Variants in PARP11 observed in about 807,000 individuals in gnomAD.
The protein encoded by PARP11 is poly(ADP-ribose) polymerase family member 11.
In PARP11, 31 loss-of-function variants were observed where a neutral mutation model predicts 42.9. That is an observed-to-expected ratio of 0.72 (90% confidence interval 0.54 to 0.98). The LOEUF (loss-of-function observed/expected upper bound fraction) is 0.98, where lower values mean the gene tolerates loss of function less well. Ranked by LOEUF, PARP11 falls within the 50% of genes least tolerant of loss-of-function variation. PARP11 has a pLI of 0.00. For synonymous variants in PARP11, 137 were observed against 127.3 expected, an observed-to-expected ratio of 1.08 and a Z score of -0.51; for missense variants, 365 against 413.1, an observed-to-expected ratio of 0.88 and a Z score of 1.01.
chr12:3,816,931 C>G (rs1947299926), intron 6 of PARP11, among the ~76,000 whole-genome samples: 1 of 152,156 alleles, frequency 6.6e-6, no homozygotes, highest in African/African-American at 2.4e-5. Flanking sequence ...GAGGCTCACG[C>G]CTGTAATTCC....
intron 1 of PARP11, chr12:3,839,622 T>A: frequency 9.5e-7 from 1 of 1,052,924 alleles, no homozygotes; most frequent in Non-Finnish European, 1.5e-6. Flanking sequence ...TGGAAATAAG[T>A]GCCCTTTCTC....
chr12:3,817,056 T>A lies in PARP11; in HGVS notation c.549-2868A>T, dbSNP rs374272850. Among the ~76,000 whole-genome samples, 4 of 152,178 alleles carry A rather than the reference T, an allele frequency of 2.6e-5. No homozygotes were observed. In the South Asian group the frequency reaches 8.3e-4, roughly 32 times the overall value. On this transcript the variant is annotated intron_variant, in intron 6 of 7. Transcript: ENST00000228820. ...AATACAAAAAATTAGCCAGGCGTGG[T>A]GGCGGGCGCCTGTAGTCCCAGCTAC... is the stretch of plus-strand genomic sequence containing the variant.
chr12:3,855,744 A>G (rs1207186349), intron 1 of PARP11, among the ~76,000 whole-genome samples: 3 of 152,220 alleles, frequency 2.0e-5, no homozygotes, highest in African/African-American at 7.2e-5. Flanking sequence ...CAAGCTACCA[A>G]TGACATTCTT....
chr12:3,869,771 CAT>C (rs1445817557), intron 1 of PARP11, among the ~76,000 whole-genome samples: 1 of 152,156 alleles, frequency 6.6e-6, no homozygotes, highest in Non-Finnish European at 1.5e-5. Context: ...AATGTATTTG[CAT>C]AATTATTTGT....
Position 3,809,535 on chromosome 12 carries a change from AC to A in PARP11, c.*2587del, listed in dbSNP as rs1947129411. 1 of 121,128 alleles carries A rather than the reference AC, an allele frequency of 8.3e-6. No individual in the cohort carries two copies. Among genetic ancestry groups the A allele is most frequent in the African/African-American group, 3.3e-5 (1 of 30,714 alleles). 7.5% of individuals were successfully genotyped at this position (121,128 alleles called of 1,614,324 possible). On this transcript the variant is annotated 3_prime_UTR_variant, in exon 8 of 8. Coordinates refer to ENST00000228820, the MANE Select transcript of PARP11 (RefSeq NM_020367.6). ...GATACTTAGCTCTGGGTTCCTAGTC[AC>A]CTTGAGATAAGATCTGCAAAGTCTA...
chr12:3,809,756 T>A lies in PARP11; in HGVS notation c.*2367A>T, dbSNP rs561842246. The A allele has an allele frequency of 1.3e-5, 2 of 152,338 alleles. No individual in the cohort carries two copies. Among genetic ancestry groups the A allele is most frequent in the African/African-American group, 4.8e-5 (2 of 41,578 alleles). 9.4% of individuals were successfully genotyped at this position (152,338 alleles called of 1,614,324 possible). A position where few individuals can be genotyped will look rare whatever the true frequency, so the allele number is the denominator to read the frequency against. ...ATTCCTAATGTCTCTAACATTGTTT[T>A]TTGTGAACGGGTTTAGAGCCATGGT... On this transcript the variant is annotated 3_prime_UTR_variant, in exon 8 of 8. Coordinates refer to ENST00000228820, the MANE Select transcript of PARP11 (RefSeq NM_020367.6).
In PARP11 at chr12:3,836,072, T is replaced by C. The variant is rs532796882; in HGVS notation, c.19-6054A>G. 4.6e-5 allele frequency among the ~76,000 whole-genome samples: 7 copies of C among 151,738 alleles called. No homozygotes were observed. The East Asian group carries it at 1.4e-3, about 29-fold the overall frequency. On this transcript the variant is annotated intron_variant, in intron 1 of 7. Coordinates refer to ENST00000228820, the MANE Select transcript of PARP11 (RefSeq NM_020367.6). ...ACACACACTCACACACATATATATG[T>C]GTGTGTATAGATATAAATCTACACA...
At chr12:3,869,268 G>A (rs1039362463) in intron 1 of PARP11, among the ~76,000 whole-genome samples, 3 of 152,158 alleles carry the variant, frequency 2.0e-5, no homozygotes, top group African/African-American at 7.2e-5. Flanking sequence ...TTAATATGTG[G>A]ATATCTTTAG....
Position 3,842,544 on chromosome 12 carries a change from A to G in PARP11, c.19-12526T>C. The G allele has an allele frequency of 2.8e-6, 4 of 1,454,164 alleles. No homozygotes were observed. In the South Asian group the frequency reaches 4.8e-5, roughly 18 times the overall value. 90.1% of individuals were successfully genotyped at this position (1,454,164 alleles called of 1,614,324 possible). A position where few individuals can be genotyped will look rare whatever the true frequency, so the allele number is the denominator to read the frequency against. On this transcript the variant is annotated intron_variant, in intron 1 of 7. Coordinates refer to ENST00000228820, the MANE Select transcript of PARP11 (RefSeq NM_020367.6). ...GGTTGTTGCCGAAGTATTTTCTAAC[A>G]GAAACTCTTAGGTGGAATGTTTCTG...
In PARP11 at chr12:3,814,331, A is replaced by G. The variant is rs1947242830; in HGVS notation, c.549-143T>C. The G allele has an allele frequency of 1.2e-5, 7 of 581,392 alleles. No homozygotes were observed. In the South Asian group the frequency reaches 4.3e-4, roughly 36 times the overall value. 36.0% of individuals were successfully genotyped at this position (581,392 alleles called of 1,614,324 possible). A position where few individuals can be genotyped will look rare whatever the true frequency, so the allele number is the denominator to read the frequency against. ...AATAACAAGTGGACAAAGCAAGTCTAGAAAAGAAATAATTTCAAATGTTCT... is the reference window on the plus strand; with the variant it reads ...AATAACAAGTGGACAAAGCAAGTCTGGAAAAGAAATAATTTCAAATGTTCT... On this transcript the variant is annotated intron_variant, in intron 6 of 7. Transcript: ENST00000228820.
At chr12:3,822,375 G>A (rs1160578364) in intron 4 of PARP11, among the ~76,000 whole-genome samples, 1 of 150,692 alleles carries the variant, frequency 6.6e-6, no homozygotes, top group Admixed American at 6.7e-5. Context: ...GAGGCGAGCG[G>A]ATCACGAGGT....
intron 6 of PARP11, among the ~76,000 whole-genome samples, chr12:3,818,022 C>T (rs998872320): frequency 6.6e-6 from 1 of 152,176 alleles, no homozygotes; most frequent in African/African-American, 2.4e-5. Context: ...CTGCCTTATA[C>T]TTCCCAGCTC....
intron 1 of PARP11, among the ~76,000 whole-genome samples, chr12:3,835,404 A>C (rs1049255914): frequency 3.9e-5 from 6 of 152,228 alleles, no homozygotes; most frequent in Non-Finnish European, 7.3e-5. Context: ...AACCAAACAA[A>C]CAACCACAAT....
chr12:3,847,214 A>C (rs1460739045), intron 1 of PARP11, among the ~76,000 whole-genome samples: 1 of 152,240 alleles, frequency 6.6e-6, no homozygotes, highest in African/African-American at 2.4e-5. Context: ...TCAGGACCTG[A>C]TGGCTTCACT....
At position 3,818,142 on chromosome 12, in the gene PARP11, G is replaced by T. The variant is rs143738965; in HGVS notation, c.548+3731C>A. The stretch of plus-strand genomic sequence containing the variant: ...CACATACTTTAGCTAAGCCCTCAAC[G>T]CTGACAGAAATCCTGTGGTTCCCAA... On this transcript the variant is annotated intron_variant, in intron 6 of 7. Transcript: ENST00000228820. Among the ~76,000 whole-genome samples, 620 of 152,144 alleles carry T rather than the reference G, an allele frequency of 4.1e-3. 4 individuals are homozygous for T. Among genetic ancestry groups the T allele is most frequent in the African/African-American group, 0.014 (591 of 41,506 alleles).
intron 1 of PARP11, among the ~76,000 whole-genome samples, chr12:3,869,770 G>T: frequency 6.6e-6 from 1 of 152,034 alleles, no homozygotes; most frequent in East Asian, 1.9e-4. Context: ...AAATGTATTT[G>T]CATAATTATT....
intron 6 of PARP11, among the ~76,000 whole-genome samples, chr12:3,817,149 C>G (rs949226484): frequency 6.6e-6 from 1 of 151,996 alleles, no homozygotes; most frequent in East Asian, 1.9e-4. Context: ...TGAGATCGCG[C>G]CACTGCACTC....
At chr12:3,862,176 A>G (rs1231653750) in intron 1 of PARP11, among the ~76,000 whole-genome samples, 1 of 152,136 alleles carries the variant, frequency 6.6e-6, no homozygotes, top group Non-Finnish European at 1.5e-5. Context: ...CCCTGTAATC[A>G]CAGCACTTTG....
intron 1 of PARP11, chr12:3,841,139 A>C (rs1319219667): frequency 6.2e-7 from 1 of 1,608,018 alleles, no homozygotes; most frequent in African/African-American, 1.3e-5. Flanking sequence ...CCTTTGCCTC[A>C]GACATTGAGC....
Sources: gnomAD v4.1 joint callset for allele counts (sites outside exome capture counted in the v4.1 genomes callset) on GRCh38, gnomAD v4.1.1 for gene constraint, MANE v1.5 for transcripts, NCBI Gene and HGNC (gene_info 2026-07-23, HGNC 2026-07-21) for gene names.